HPS5: variants seen among roughly 807,000 people sequenced by gnomAD.
HPS5 encodes the protein BLOC-2 complex member HPS5.
Under a neutral mutation model 128.0 loss-of-function variants are expected in HPS5, and 83 were observed. That is an observed-to-expected ratio of 0.65 (90% CI 0.54 to 0.78). The LOEUF (loss-of-function observed/expected upper bound fraction) is 0.78. Among genes scored for constraint, HPS5 ranks in the 30% least tolerant of loss-of-function variants. HPS5 has a pLI of 0.00. For synonymous variants in HPS5, 475 were observed against 470.2 expected (o/e 1.01, Z -0.13); for missense variants, 1,281 against 1,326.2 (o/e 0.97, Z 0.53).
intron 8 of HPS5, among the ~76,000 whole-genome samples, chr11:18,303,772 A>G (rs1395682299): frequency 6.6e-6 from 1 of 151,712 alleles, no homozygotes; most frequent in Non-Finnish European, 1.5e-5. Context: ...GAGAATTGCT[A>G]GAACCTGGGA....
At chr11:18,313,015 TA>T in intron 2 of HPS5, among the ~76,000 whole-genome samples, 1 of 152,354 alleles carries the variant, frequency 6.6e-6, no homozygotes, top group Admixed American at 6.5e-5. Flanking sequence ...TATTACTGTC[TA>T]TCACTTCCTA....
At position 18,288,001 on chromosome 11, in the gene HPS5, G is replaced by C; in HGVS notation, c.2453C>G (p.Ser818Cys). ...TTCCATCTCCATATACACAGGATTG[G>C]AACTTGCCATTTCTGAAATATAAAG... The part of the protein sequence containing the change: ...FIEGLKEMAS[S>C]NPVYMEMEKG... The change falls in exon 17 of 23, where the codon TCC becomes TGC. Residue 818 changes from serine to cysteine, a missense_variant. Ser to Cys is a moderately radical substitution (Grantham distance 112). Transcript: ENST00000349215. 6.2e-7 allele frequency: 1 copy of C among 1,613,726 alleles called. No individual in the cohort carries two copies. The highest frequency in any genetic ancestry group is 2.2e-5 in the East Asian group (1 of 44,844).
rs1860469919 is a variant in HPS5, at chr11:18,292,039, A to G, written c.1863-20T>C. The G allele has an allele frequency of 1.3e-6, 2 of 1,565,390 alleles. No individual in the cohort carries two copies. Among genetic ancestry groups the G allele is most frequent in the Non-Finnish European group, 1.8e-6 (2 of 1,136,264 alleles). ...TTGGTCCTATACAAGACAGACAAGTATGAAATTCATGTGTCATGTGTTTTT... is the reference window on the plus strand; with the variant it reads ...TTGGTCCTATACAAGACAGACAAGTGTGAAATTCATGTGTCATGTGTTTTT... On this transcript the variant is annotated intron_variant, in intron 15 of 22. Coordinates refer to ENST00000349215, the MANE Select transcript of HPS5 (RefSeq NM_181507.2).
intron 1 of HPS5, among the ~76,000 whole-genome samples, chr11:18,319,847 G>C (rs1864105551): frequency 6.6e-6 from 1 of 152,198 alleles, no homozygotes; most frequent in Admixed American, 6.5e-5. Context: ...CTCTTCAACA[G>C]ATTTGTAGGT....
chr11:18,319,461 T>C (rs190345643), intron 1 of HPS5, among the ~76,000 whole-genome samples: 37 of 152,114 alleles, frequency 2.4e-4, no homozygotes, highest in African/African-American at 8.2e-4. Context: ...AGGGTAGCAA[T>C]AAGCAAATAT....
intron 1 of HPS5, among the ~76,000 whole-genome samples, chr11:18,320,606 A>G (rs1864206775): frequency 6.6e-6 from 1 of 152,232 alleles, no homozygotes; most frequent in Admixed American, 6.5e-5. Flanking sequence ...TTTGAAAAGC[A>G]TTATCAGGTC....
chr11:18,292,209 CTTTTTT>C (rs5790031), intron 15 of HPS5, among the ~76,000 whole-genome samples, 190 bp from the exon 16 acceptor site: 2 of 135,774 alleles, frequency 1.5e-5, no homozygotes, highest in Non-Finnish European at 3.2e-5. Flanking sequence ...TAGTGTTTTA[CTTTTTT>C]TTTTTTTTTT....
At chr11:18,305,393 C>T (rs774931535) in intron 8 of HPS5, 29 bp downstream of exon 8, 3 of 1,421,428 alleles carry the variant, frequency 2.1e-6, no homozygotes, top group Admixed American at 1.7e-5. Context: ...TCTTTTTCCC[C>T]CCCAGAACTA....
Position 18,278,695 on chromosome 11 carries a change from T to C in HPS5, c.*1187A>G, listed in dbSNP as rs572636153. Reference sequence around the variant, plus strand: ...GAATTGTTCAGTGCATCCAACACTTTACTTACTCCACACCTTTCTGCAAAA... The same window carrying C: ...GAATTGTTCAGTGCATCCAACACTTCACTTACTCCACACCTTTCTGCAAAA... On this transcript the variant is annotated 3_prime_UTR_variant, in exon 23 of 23. Transcript: ENST00000349215. 2.6e-5 allele frequency: 4 copies of C among 152,278 alleles called. No individual in the cohort carries two copies. The highest frequency in any genetic ancestry group is 5.9e-5 in the Non-Finnish European group (4 of 68,042). 9.4% of individuals were successfully genotyped at this position (152,278 alleles called of 1,614,324 possible). A position where few individuals can be genotyped will look rare whatever the true frequency, so the allele number is the denominator to read the frequency against.
intron 12 of HPS5, 115 bp downstream of exon 12, chr11:18,296,683 T>A: frequency 1.1e-6 from 1 of 945,004 alleles, no homozygotes; most frequent in Non-Finnish European, 1.8e-6. Flanking sequence ...TCTATCAACA[T>A]GTTAAAAATT....
At chr11:18,316,062 G>A (rs1042146666) in intron 2 of HPS5, among the ~76,000 whole-genome samples, 9 of 152,160 alleles carry the variant, frequency 5.9e-5, no homozygotes, top group African/African-American at 1.4e-4. Context: ...CCAGGAGTTC[G>A]ATGTTATCAT....
At chr11:18,297,773 T>C in intron 10 of HPS5, 56 bp from the exon 11 acceptor site, 5 of 1,528,422 alleles carry the variant, frequency 3.3e-6, no homozygotes, top group Non-Finnish European at 3.6e-6. Flanking sequence ...TATATTCAAA[T>C]GGCCAATATA....
rs1451600719 is a variant in HPS5, at chr11:18,278,684, ATCCAACACTTTACTTAC to A, written c.*1181_*1197del. 1.3e-5 allele frequency: 2 copies of A among 152,244 alleles called. No homozygotes were observed. Among genetic ancestry groups the A allele is most frequent in the Admixed American group, 6.5e-5 (1 of 15,284 alleles). The allele number at this position is 152,244 out of a possible 1,614,324, so 9.4% of individuals were successfully genotyped here. ...AAAAAAGAGTTGAATTGTTCAGTGC[ATCCAACACTTTACTTAC>A]TCCACACCTTTCTGCAAAATGCTCA... On this transcript the variant is annotated 3_prime_UTR_variant, in exon 23 of 23. Transcript: ENST00000349215.
intron 5 of HPS5, among the ~76,000 whole-genome samples, chr11:18,310,347 C>T (rs1293578280): frequency 6.6e-6 from 1 of 152,120 alleles, no homozygotes; most frequent in African/African-American, 2.4e-5. Context: ...TTCTTCTACA[C>T]AAGAAGCAGA....
At chr11:18,288,734 C>CTG (rs35752943) in intron 16 of HPS5, among the ~76,000 whole-genome samples, 9,474 of 149,242 alleles carry the variant, frequency 0.063, 383 homozygotes, top group African/African-American at 0.12. Flanking sequence ...GAACTCCTGG[C>CTG]TGTGTGTGTG....
Position 18,306,199 on chromosome 11 carries a change from C to A in HPS5, c.760G>T (p.Val254Phe), listed in dbSNP as rs752603589. ...TTCTTGAACTGATGTGTACTTATAACTTCTCCATCAAAGTTCACTTCCCAC... is the reference window on the plus strand; with the variant it reads ...TTCTTGAACTGATGTGTACTTATAAATTCTCCATCAAAGTTCACTTCCCAC... ...RMWEVNFDGE[V>F]ISTHQFKKLL... The change falls in exon 7 of 23, where the codon GTT (valine) becomes TTT (phenylalanine). Residue 254 changes from valine to phenylalanine, a missense_variant. Coordinates refer to ENST00000349215, the MANE Select transcript of HPS5 (RefSeq NM_181507.2). The A allele has an allele frequency of 1.4e-5, 23 of 1,613,956 alleles. 1 individual carries two copies. In the Middle Eastern group the frequency reaches 8.2e-4, roughly 58 times the overall value.
chr11:18,308,901 T>G, intron 6 of HPS5, 45 bp downstream of exon 6: 1 of 1,601,222 alleles, frequency 6.2e-7, no homozygotes. Context: ...TTCCTCCCAG[T>G]TCTAAAATTC....
chr11:18,316,131 C>T (rs1179626487), intron 2 of HPS5, among the ~76,000 whole-genome samples: 1 of 151,980 alleles, frequency 6.6e-6, no homozygotes, highest in African/African-American at 2.4e-5. Flanking sequence ...CCCATCTCTA[C>T]AAAAACTTTA....
At chr11:18,305,147 G>A (rs1862202677) in intron 8 of HPS5, among the ~76,000 whole-genome samples, 1 of 152,186 alleles carries the variant, frequency 6.6e-6, no homozygotes, top group Non-Finnish European at 1.5e-5. Context: ...GGTAGGAGAG[G>A]TTATGAGGCG....
Sources: allele counts gnomAD v4.1 joint callset (sites outside exome capture counted in the v4.1 genomes callset), GRCh38; gene constraint gnomAD v4.1.1; transcripts MANE v1.5; gene names NCBI Gene and HGNC (gene_info 2026-07-23, HGNC 2026-07-21).